The following CNTNAP4 variants were observed in gnomAD, a reference collection of about 807,000 sequenced individuals.
The protein encoded by CNTNAP4 is contactin-associated protein-like 4.
CNTNAP4 carries 98 observed loss-of-function variants against 148.4 expected under a neutral mutation model. That is an observed-to-expected ratio of 0.66 (90% CI 0.56 to 0.78). The LOEUF (loss-of-function observed/expected upper bound fraction) is 0.78. Among genes scored for constraint, CNTNAP4 ranks in the 30% least tolerant of loss-of-function variants. CNTNAP4 has a pLI of 0.00. For synonymous variants in CNTNAP4, 730 were observed against 565.1 expected, an observed-to-expected ratio of 1.29 and a Z score of -4.14; for missense variants, 1,935 against 1,565.6, an observed-to-expected ratio of 1.24 and a Z score of -3.98.
chr16:76,531,211 T>C (rs2083971686), intron 17 of CNTNAP4, among the ~76,000 whole-genome samples: 1 of 152,194 alleles, frequency 6.6e-6, no homozygotes, highest in South Asian at 2.1e-4. Flanking sequence ...AGCACATGAA[T>C]AATTTGCCAT....
intron 2 of CNTNAP4, among the ~76,000 whole-genome samples, chr16:76,352,281 G>C (rs2011906119): frequency 6.6e-6 from 1 of 152,124 alleles, no homozygotes; most frequent in African/African-American, 2.4e-5. Context: ...AATAAAATTA[G>C]ATAGGACAGT....
At chr16:76,460,006 A>G (rs5024163) in intron 8 of CNTNAP4, among the ~76,000 whole-genome samples, 54,671 of 152,170 alleles carry the variant, frequency 0.36, 11,038 homozygotes, top group Middle Eastern at 0.47. Flanking sequence ...ACATGTCTAC[A>G]TATATATAAA....
At chr16:76,317,745 C>T (rs1026752532) in intron 2 of CNTNAP4, among the ~76,000 whole-genome samples, 11 of 151,682 alleles carry the variant, frequency 7.3e-5, no homozygotes, top group African/African-American at 2.7e-4. Context: ...GTGTATTTTG[C>T]CATCTGGTAT....
chr16:76,382,955 C>T (rs755304353), intron 3 of CNTNAP4, among the ~76,000 whole-genome samples: 1 of 152,048 alleles, frequency 6.6e-6, no homozygotes, highest in African/African-American at 2.4e-5. Flanking sequence ...ATTGAAACAT[C>T]AATAATACCA....
chr16:76,415,288 A>G (rs754461931), intron 3 of CNTNAP4, among the ~76,000 whole-genome samples: 4 of 151,218 alleles, frequency 2.6e-5, no homozygotes, highest in Admixed American at 6.6e-5. Flanking sequence ...AAACATATTT[A>G]ATATTGCATG....
chr16:76,544,967 T>C (rs1178269820), intron 21 of CNTNAP4, among the ~76,000 whole-genome samples: 1 of 152,206 alleles, frequency 6.6e-6, no homozygotes, highest in East Asian at 1.9e-4. Context: ...TCAGAAATTC[T>C]TTATGTAAAA....
chr16:76,355,842 T>C lies in CNTNAP4; in HGVS notation c.390+331T>C, dbSNP rs1032939786. Among the ~76,000 whole-genome samples, 119 of 33,276 alleles carry C rather than the reference T, an allele frequency of 3.6e-3. 1 individual carries two copies. The highest frequency in any genetic ancestry group is 9.3e-3 in the African/African-American group (117 of 12,560). 21.8% of individuals were successfully genotyped at this position (33,276 alleles called of 152,430 possible). A position where few individuals can be genotyped will look rare whatever the true frequency, so the allele number is the denominator to read the frequency against. ...AAACATAATAGTCTTGCATTGTCTT[T>C]TATTTATTTATTTATTTATTTATTT... is the stretch of plus-strand genomic sequence containing the variant. On this transcript the variant is annotated intron_variant, in intron 3 of 23. Transcript: ENST00000611870.
intron 2 of CNTNAP4, among the ~76,000 whole-genome samples, chr16:76,328,657 T>G (rs1963231881): frequency 6.6e-6 from 1 of 152,172 alleles, no homozygotes; most frequent in African/African-American, 2.4e-5. Context: ...GTGTGTTTTT[T>G]TTTTTGAGAT....
At chr16:76,354,295 A>C (rs574369567) in intron 2 of CNTNAP4, among the ~76,000 whole-genome samples, 1 of 152,362 alleles carries the variant, frequency 6.6e-6, no homozygotes, top group Admixed American at 6.5e-5. Flanking sequence ...GGAAGAATGA[A>C]GCATCTTAAC....
intron 15 of CNTNAP4, among the ~76,000 whole-genome samples, chr16:76,519,117 C>T (rs534471992): frequency 1.3e-5 from 2 of 152,256 alleles, no homozygotes; most frequent in South Asian, 4.1e-4. Flanking sequence ...AAATATTGGC[C>T]TTTGCTTTCT....
chr16:76,444,802 T>A (rs577447303), intron 4 of CNTNAP4, among the ~76,000 whole-genome samples: 1 of 152,288 alleles, frequency 6.6e-6, no homozygotes, highest in Non-Finnish European at 1.5e-5. Flanking sequence ...TAAATGTGTA[T>A]CCTTTGAAGT....
rs1329191339 is a variant in CNTNAP4 at position 76,559,504 on chromosome 16, CAACTA to C, written c.*826_*830del. Among the ~76,000 whole-genome samples the C allele has an allele frequency of 6.6e-6, 1 of 152,100 alleles. No individual in the cohort carries two copies. Among genetic ancestry groups the C allele is most frequent in the Non-Finnish European group, 1.5e-5 (1 of 68,010 alleles). ...TTTCCCAAAGAATGTAAAATGTTTTCAACTAAACTGTTGATATATTAAAAAAAATT... is the reference window on the plus strand; with the variant it reads ...TTTCCCAAAGAATGTAAAATGTTTTCAACTGTTGATATATTAAAAAAAATT... On this transcript the variant is annotated 3_prime_UTR_variant, in exon 24 of 24. Coordinates refer to ENST00000611870, the MANE Select transcript of CNTNAP4 (RefSeq NM_033401.5).
chr16:76,481,705 T>C (rs968177906), intron 12 of CNTNAP4, among the ~76,000 whole-genome samples: 2 of 152,178 alleles, frequency 1.3e-5, no homozygotes, highest in African/African-American at 4.8e-5. Context: ...AAAATTATTA[T>C]ACATTGAGGC....
At chr16:76,548,449 A>G (rs1457685363) in intron 21 of CNTNAP4, among the ~76,000 whole-genome samples, 2 of 151,930 alleles carry the variant, frequency 1.3e-5, no homozygotes, top group African/African-American at 2.4e-5. Context: ...AGGAAATTTC[A>G]TAAAGCACTC....
Position 76,522,273 on chromosome 16 carries a change from A to T in CNTNAP4, c.2755+16A>T, listed in dbSNP as rs1440432608. ...CTCTTCGTGGGTAAGTTCTCTTTTTAAGCAATCATTTTATTGTATGATATG... is the reference window on the plus strand; with the variant it reads ...CTCTTCGTGGGTAAGTTCTCTTTTTTAGCAATCATTTTATTGTATGATATG... On this transcript the variant is annotated intron_variant, in intron 17 of 23. Transcript: ENST00000611870. 5.6e-6 allele frequency: 9 copies of T among 1,608,232 alleles called. No homozygotes were observed. The highest frequency in any genetic ancestry group is 7.7e-6 in the Non-Finnish European group (9 of 1,175,662).
intron 17 of CNTNAP4, among the ~76,000 whole-genome samples, chr16:76,523,397 C>T (rs2083574151): frequency 6.6e-6 from 1 of 151,770 alleles, no homozygotes; most frequent in Non-Finnish European, 1.5e-5. Context: ...CTGATATTTT[C>T]TGGTCACCTT....
At chr16:76,360,460 C>G (rs2013269124) in intron 3 of CNTNAP4, among the ~76,000 whole-genome samples, 1 of 152,160 alleles carries the variant, frequency 6.6e-6, no homozygotes, top group Admixed American at 6.5e-5. Context: ...GGTGACTCTC[C>G]TCCTTGTGAG....
At chr16:76,550,592 G>A (rs930307232) in intron 21 of CNTNAP4, among the ~76,000 whole-genome samples, 7 of 151,762 alleles carry the variant, frequency 4.6e-5, no homozygotes, top group Non-Finnish European at 8.8e-5. Context: ...TAGAAGAAAT[G>A]TGAAAAGCAC....
rs150747608 is a variant in CNTNAP4 at position 76,296,784 on chromosome 16, C to T, written c.85+19037C>T. On this transcript the variant is annotated intron_variant, in intron 1 of 23. Transcript: ENST00000611870. ...AGGATTCAGCAGCCAAAGATGAATG[C>T]TATTGAATTATTGACCATATTTGAT... Among the ~76,000 whole-genome samples the T allele has an allele frequency of 2.4e-4, 36 of 152,222 alleles. No individual in the cohort carries two copies. The East Asian group carries it at 5.8e-3, about 25-fold the overall frequency.
Sources: gnomAD v4.1 joint callset for allele counts (sites outside exome capture counted in the v4.1 genomes callset) on GRCh38, gnomAD v4.1.1 for gene constraint, MANE v1.5 for transcripts, NCBI Gene and HGNC (gene_info 2026-07-23, HGNC 2026-07-21) for gene names.